The following RORA variants were observed in gnomAD, a reference collection of about 807,000 sequenced individuals.
RORA encodes the protein RAR related orphan receptor A, also known as nuclear receptor ROR-alpha.
Under a neutral mutation model 69.5 loss-of-function variants are expected in RORA, and 7 were observed. The observed-to-expected ratio is 0.10, with a 90% CI of 0.06 to 0.19. RORA has a LOEUF of 0.19. Among genes scored for constraint, RORA ranks in the 10% least tolerant of loss-of-function variants. The probability of loss-of-function intolerance (pLI) is 1.00; values close to 1 mark genes in which losing one functional copy is unlikely to be tolerated. For synonymous variants in RORA, 261 were observed against 240.8 expected, an observed-to-expected ratio of 1.08 and a Z score of -0.78; for missense variants, 457 against 663.0, an observed-to-expected ratio of 0.69 and a Z score of 3.41.
chr15:61,076,079 C>A (rs2078445207), intron 1 of RORA, among the ~76,000 whole-genome samples: 1 of 152,170 alleles, frequency 6.6e-6, no homozygotes, highest in Admixed American at 6.5e-5. Flanking sequence ...CTCCTCTTTG[C>A]AGGAAAAATG....
At chr15:60,885,010 T>TA (rs1471413458) in intron 1 of RORA, among the ~76,000 whole-genome samples, 1 of 152,338 alleles carries the variant, frequency 6.6e-6, no homozygotes, top group East Asian at 1.9e-4. Context: ...GCCCTGTCTT[T>TA]AAAAGCAGCC....
intron 2 of RORA, among the ~76,000 whole-genome samples, chr15:60,584,179 A>G (rs998676312): frequency 6.6e-6 from 1 of 152,158 alleles, no homozygotes; most frequent in Admixed American, 6.5e-5. Flanking sequence ...GTGTAAATAC[A>G]TGCCTTCGTG....
At chr15:60,652,789 G>T (rs1367021506) in intron 2 of RORA, among the ~76,000 whole-genome samples, 2 of 152,112 alleles carry the variant, frequency 1.3e-5, no homozygotes, top group Non-Finnish European at 2.9e-5. Context: ...AAACCACATG[G>T]CCGTAAGTTT....
intron 1 of RORA, among the ~76,000 whole-genome samples, chr15:61,016,660 G>C (rs1895299991): frequency 6.6e-6 from 1 of 152,168 alleles, no homozygotes; most frequent in African/African-American, 2.4e-5. Flanking sequence ...ATCTGATGTG[G>C]ATGAAGCACA....
chr15:61,036,703 A>C (rs1316492882), intron 1 of RORA, among the ~76,000 whole-genome samples: 1 of 146,896 alleles, frequency 6.8e-6, no homozygotes, highest in East Asian at 2.0e-4. Flanking sequence ...AGTACAAAGA[A>C]ACAAAAATCC....
At chr15:60,713,482 C>A (rs766101600) in intron 1 of RORA, among the ~76,000 whole-genome samples, 60 of 152,284 alleles carry the variant, frequency 3.9e-4, no homozygotes, top group Admixed American at 3.9e-4. Flanking sequence ...TTTTGTGAAA[C>A]TGAGACTGAA....
chr15:61,135,236 C>T (rs2140852527), intron 1 of RORA, among the ~76,000 whole-genome samples: 1 of 151,106 alleles, frequency 6.6e-6, no homozygotes, highest in South Asian at 2.1e-4. Context: ...GAGGCTGAGG[C>T]ATGAGAAACA....
At chr15:61,166,167 A>G (rs891266023) in intron 1 of RORA, among the ~76,000 whole-genome samples, 1 of 151,990 alleles carries the variant, frequency 6.6e-6, no homozygotes, top group Non-Finnish European at 1.5e-5. Context: ...TTTTTTTTTT[A>G]AAAGACTGAA....
chr15:60,884,772 C>G (rs1050779656), intron 1 of RORA, among the ~76,000 whole-genome samples: 1 of 152,146 alleles, frequency 6.6e-6, no homozygotes, highest in Non-Finnish European at 1.5e-5. Context: ...TATGTCTTTA[C>G]CAAGAGAAAA....
intron 1 of RORA, among the ~76,000 whole-genome samples, chr15:60,738,930 C>G (rs970240813): frequency 6.6e-6 from 1 of 152,218 alleles, no homozygotes; most frequent in Non-Finnish European, 1.5e-5. Flanking sequence ...AGCATTCTCC[C>G]TGTGTGCATC....
At chr15:61,189,820 G>T (rs1189676118) in intron 1 of RORA, among the ~76,000 whole-genome samples, 5 of 111,382 alleles carry the variant, frequency 4.5e-5, no homozygotes, top group African/African-American at 7.0e-5. Context: ...TTGCACCACC[G>T]CACTCCAGCC....
At chr15:61,017,448 T>C (rs1039970331) in intron 1 of RORA, among the ~76,000 whole-genome samples, 1 of 152,194 alleles carries the variant, frequency 6.6e-6, no homozygotes. Context: ...TCAAAAACTA[T>C]ACATAAACTT....
chr15:61,117,974 T>G (rs937343012), intron 1 of RORA, among the ~76,000 whole-genome samples: 2 of 152,334 alleles, frequency 1.3e-5, no homozygotes, highest in East Asian at 3.9e-4. Flanking sequence ...ACTTGATAAC[T>G]CTGCAACCTC....
chr15:60,968,228 G>C (rs182126497), intron 1 of RORA, among the ~76,000 whole-genome samples: 30 of 152,314 alleles, frequency 2.0e-4, no homozygotes, highest in Non-Finnish European at 3.8e-4. Context: ...CCCAGGACTG[G>C]AAACCTGCTG....
chr15:60,538,489 AC>A (rs5813031), intron 2 of RORA, among the ~76,000 whole-genome samples: 43,662 of 152,002 alleles, frequency 0.29, 7,249 homozygotes, highest in African/African-American at 0.45. Context: ...GTGTCCTATT[AC>A]CCATATCCAG....
At chr15:60,879,163 C>A (rs969185588) in intron 1 of RORA, among the ~76,000 whole-genome samples, 1 of 152,216 alleles carries the variant, frequency 6.6e-6, no homozygotes, top group African/African-American at 2.4e-5. Context: ...CCACTAGCAG[C>A]AGCAAAGAAT....
chr15:60,561,467 A>G (rs1379388687), intron 2 of RORA, among the ~76,000 whole-genome samples: 1 of 152,126 alleles, frequency 6.6e-6, no homozygotes, highest in Non-Finnish European at 1.5e-5. Context: ...AAAGTAATAA[A>G]AAAAAGTTAA....
At chr15:61,102,568 C>T (rs1320294204) in intron 1 of RORA, among the ~76,000 whole-genome samples, 2 of 152,126 alleles carry the variant, frequency 1.3e-5, no homozygotes, top group Non-Finnish European at 2.9e-5. Context: ...TTGATATGGC[C>T]CCTACTGTCA....
At chr15:61,164,393 T>C (rs902390196) in intron 1 of RORA, among the ~76,000 whole-genome samples, 3 of 152,222 alleles carry the variant, frequency 2.0e-5, no homozygotes, top group Admixed American at 2.0e-4. Context: ...CTTTAAAAAG[T>C]AAAAAGCTTG....
Sources: gnomAD v4.1 joint callset for allele counts (sites outside exome capture counted in the v4.1 genomes callset) on GRCh38, gnomAD v4.1.1 for gene constraint, MANE v1.5 for transcripts, NCBI Gene and HGNC (gene_info 2026-07-23, HGNC 2026-07-21) for gene names.